BCKDHB: variants seen among roughly 807,000 people sequenced by gnomAD.
BCKDHB encodes the protein 2-oxoisovalerate dehydrogenase subunit beta, mitochondrial.
A neutral mutation model predicts 48.5 loss-of-function variants in BCKDHB; 41 were observed. The observed-to-expected ratio is 0.85, with a 90% confidence interval of 0.66 to 1.10. The LOEUF (loss-of-function observed/expected upper bound fraction) is 1.10, where lower values mean the gene tolerates loss of function less well. Ranked by LOEUF, BCKDHB falls within the 50% of genes least tolerant of loss-of-function variation. The pLI is 0.00. For missense variants in BCKDHB, 496 were observed against 494.2 expected, an observed-to-expected ratio of 1.00 and a Z score of -0.03; for synonymous variants, 201 against 174.8, an observed-to-expected ratio of 1.15 and a Z score of -1.18.
intron 9 of BCKDHB, among the ~76,000 whole-genome samples, chr6:80,337,080 A>T (rs1769630004): frequency 6.6e-6 from 1 of 152,142 alleles, no homozygotes; most frequent in Admixed American, 6.5e-5. Context: ...AGTTGTTGGC[A>T]TACTGCCTTC....
intron 9 of BCKDHB, among the ~76,000 whole-genome samples, chr6:80,292,139 T>G (rs1267415217): frequency 1.3e-5 from 2 of 152,182 alleles, no homozygotes; most frequent in Non-Finnish European, 2.9e-5. Context: ...ACAGGAACTG[T>G]GTAGACAAGG....
chr6:80,191,876 C>T (rs1773912004), intron 6 of BCKDHB, among the ~76,000 whole-genome samples: 1 of 152,134 alleles, frequency 6.6e-6, no homozygotes, highest in Admixed American at 6.5e-5. Flanking sequence ...AGCTTGAGAG[C>T]TTAGCATCAA....
chr6:80,234,610 AT>A (rs1308931220), intron 8 of BCKDHB, among the ~76,000 whole-genome samples: 1 of 152,188 alleles, frequency 6.6e-6, no homozygotes, highest in East Asian at 1.9e-4. Flanking sequence ...TAGTACAGCT[AT>A]TATGGGAAGC....
the BCKDHB span, among the ~76,000 whole-genome samples, chr6:80,440,065 T>G: frequency 6.6e-6 from 1 of 152,160 alleles, no homozygotes; most frequent in Admixed American, 6.5e-5. Context: ...ATAAGATGCA[T>G]AAATGTGATC....
At chr6:80,306,460 C>T (rs1767881552) in intron 9 of BCKDHB, among the ~76,000 whole-genome samples, 1 of 152,050 alleles carries the variant, frequency 6.6e-6, no homozygotes. Context: ...CTGAGTGAAC[C>T]TAAGCAAATC....
At chr6:80,226,669 G>A (rs1290837522) in intron 8 of BCKDHB, among the ~76,000 whole-genome samples, 4 of 152,168 alleles carry the variant, frequency 2.6e-5, no homozygotes, top group Non-Finnish European at 5.9e-5. Flanking sequence ...AATTTTCTTG[G>A]ATTACTTAAC....
intron 8 of BCKDHB, among the ~76,000 whole-genome samples, chr6:80,268,694 A>G (rs1340408762): frequency 6.6e-6 from 1 of 152,086 alleles, no homozygotes; most frequent in Non-Finnish European, 1.5e-5. Flanking sequence ...TGGAAGCTTT[A>G]TGGTTTGCCT....
intron 8 of BCKDHB, among the ~76,000 whole-genome samples, chr6:80,240,900 A>G (rs576605110): frequency 1.3e-5 from 2 of 152,230 alleles, no homozygotes; most frequent in South Asian, 4.1e-4. Flanking sequence ...TCAGACATAG[A>G]TTTGGTCTTT....
chr6:80,366,981 A>G, the BCKDHB span, among the ~76,000 whole-genome samples: 1 of 152,196 alleles, frequency 6.6e-6, no homozygotes, highest in African/African-American at 2.4e-5. Context: ...CAGCCCAGCA[A>G]CAGGACTGCA....
chr6:80,223,389 T>C (rs1464176716), intron 8 of BCKDHB, among the ~76,000 whole-genome samples: 7 of 152,190 alleles, frequency 4.6e-5, no homozygotes, highest in African/African-American at 1.7e-4. Context: ...TTAATTTTCC[T>C]TTGGTTACAT....
chr6:80,374,618 T>G, the BCKDHB span: 1 of 558,804 alleles, frequency 1.8e-6, no homozygotes, highest in Admixed American at 2.9e-5. Context: ...TTCTATATCT[T>G]TTAAGTGGAG....
chr6:80,199,638 G>A lies in BCKDHB; in HGVS notation c.743-1296G>A, dbSNP rs144118154. 6.9e-4 allele frequency among the ~76,000 whole-genome samples: 104 copies of A among 151,634 alleles called. 1 individual carries two copies. Among genetic ancestry groups the A allele is most frequent in the African/African-American group, 2.3e-3 (96 of 41,312 alleles). ...TTAAAATTACAAAAATTAGCAGAGCGTGGTGGTGCGTGCCTGTAATCCCAG... is the reference window on the plus strand; with the variant it reads ...TTAAAATTACAAAAATTAGCAGAGCATGGTGGTGCGTGCCTGTAATCCCAG... On this transcript the variant is annotated intron_variant, in intron 6 of 9. Transcript: ENST00000320393.
intron 8 of BCKDHB, among the ~76,000 whole-genome samples, chr6:80,257,462 T>C (rs114119139): frequency 0.033 from 4,976 of 149,910 alleles, 281 homozygotes; most frequent in African/African-American, 0.11. Context: ...GAATATATAT[T>C]CTAATAAATA....
intron 6 of BCKDHB, among the ~76,000 whole-genome samples, chr6:80,172,248 C>A (rs1382953466): frequency 1.3e-5 from 2 of 151,916 alleles, no homozygotes; most frequent in Admixed American, 6.6e-5. Context: ...ATCTGTTGTT[C>A]ATTTCTATTA....
the BCKDHB span, among the ~76,000 whole-genome samples, chr6:80,385,684 T>C: frequency 6.6e-6 from 1 of 152,196 alleles, no homozygotes; most frequent in East Asian, 1.9e-4. Flanking sequence ...CTCTATTTGC[T>C]TCTAGACCTA....
At chr6:80,212,501 T>G (rs902996128) in intron 8 of BCKDHB, among the ~76,000 whole-genome samples, 1 of 152,178 alleles carries the variant, frequency 6.6e-6, no homozygotes, top group Non-Finnish European at 1.5e-5. Flanking sequence ...TCCCTAAAAA[T>G]CACTGTTATT....
the BCKDHB span, chr6:80,440,711 C>T: frequency 6.6e-6 from 1 of 151,478 alleles, no homozygotes; most frequent in African/African-American, 2.4e-5. Flanking sequence ...TCGCTAAGGA[C>T]TCATTAGCTG....
the BCKDHB span, among the ~76,000 whole-genome samples, chr6:80,420,132 A>G: frequency 3.9e-5 from 6 of 152,144 alleles, no homozygotes; most frequent in South Asian, 1.2e-3. Context: ...ATTCTTTGGC[A>G]GACAATTTTT....
intron 9 of BCKDHB, among the ~76,000 whole-genome samples, chr6:80,341,112 C>G (rs557583908): frequency 4.1e-4 from 62 of 152,194 alleles, no homozygotes; most frequent in African/African-American, 1.4e-3. Context: ...AGACTGATAT[C>G]CTATTCGTAG....
Sources: allele counts gnomAD v4.1 joint callset (sites outside exome capture counted in the v4.1 genomes callset), GRCh38; gene constraint gnomAD v4.1.1; transcripts MANE v1.5; gene names NCBI Gene and HGNC (gene_info 2026-07-23, HGNC 2026-07-21).